The following MGAT4C variants were observed in gnomAD, a reference collection of about 807,000 sequenced individuals.
MGAT4C encodes MGAT4 family member C.
MGAT4C carries 19 observed loss-of-function variants against 40.1 expected under a neutral mutation model. That is an observed-to-expected ratio of 0.47 (90% CI 0.33 to 0.70). The LOEUF is 0.70. Ranked by LOEUF, MGAT4C falls within the 30% of genes least tolerant of loss-of-function variation. The probability of loss-of-function intolerance (pLI) is 0.02; values close to 1 mark genes in which losing one functional copy is unlikely to be tolerated. For missense variants in MGAT4C, 491 were observed against 563.2 expected (o/e 0.87, Z 1.30); for synonymous variants, 181 against 187.1 (o/e 0.97, Z 0.27).
At chr12:86,713,937 C>A (rs1455624183) in intron 2 of MGAT4C, among the ~76,000 whole-genome samples, 1 of 151,812 alleles carries the variant, frequency 6.6e-6, no homozygotes, top group Non-Finnish European at 1.5e-5. Flanking sequence ...GTGATGTAGA[C>A]AGGTATGCTA....
chr12:86,017,293 T>A (rs968889538), intron 2 of MGAT4C, among the ~76,000 whole-genome samples: 1 of 152,172 alleles, frequency 6.6e-6, no homozygotes, highest in Admixed American at 6.6e-5. Flanking sequence ...TTGTATTTAT[T>A]ATCTACAGCA....
intron 1 of MGAT4C, among the ~76,000 whole-genome samples, chr12:86,073,965 C>T (rs1869126838): frequency 6.6e-6 from 1 of 152,048 alleles, no homozygotes; most frequent in African/African-American, 2.4e-5. Flanking sequence ...TGGCTATGTC[C>T]TCACCCAAAT....
chr12:86,676,782 C>A (rs987301522), intron 2 of MGAT4C, among the ~76,000 whole-genome samples: 1 of 152,046 alleles, frequency 6.6e-6, no homozygotes, highest in South Asian at 2.1e-4. Context: ...TAAGAAAGAT[C>A]TGAGCCAGAA....
At chr12:86,502,098 AAATG>A (rs1410648044) in intron 2 of MGAT4C, among the ~76,000 whole-genome samples, 2 of 152,144 alleles carry the variant, frequency 1.3e-5, no homozygotes, top group African/African-American at 4.8e-5. Flanking sequence ...TTCAAAAGGT[AAATG>A]AATGAACAGT....
intron 4 of MGAT4C, among the ~76,000 whole-genome samples, chr12:85,983,205 G>T: frequency 6.6e-6 from 1 of 152,158 alleles, no homozygotes; most frequent in East Asian, 1.9e-4. Flanking sequence ...GTAGCAATAT[G>T]AACATAGGAA....
chr12:86,467,958 T>C (rs1258285157), intron 2 of MGAT4C, among the ~76,000 whole-genome samples: 1 of 152,120 alleles, frequency 6.6e-6, no homozygotes, highest in Non-Finnish European at 1.5e-5. Context: ...GCTATCTTTT[T>C]CCACATCATT....
chr12:86,476,584 T>C (rs1210696709), intron 2 of MGAT4C, among the ~76,000 whole-genome samples: 3 of 151,856 alleles, frequency 2.0e-5, no homozygotes, highest in East Asian at 3.9e-4. Context: ...TGGGTTTATA[T>C]ACCCAAAGGA....
chr12:86,484,123 C>T (rs1451308748), intron 2 of MGAT4C, among the ~76,000 whole-genome samples: 1 of 151,830 alleles, frequency 6.6e-6, no homozygotes, highest in Admixed American at 6.6e-5. Flanking sequence ...CAAGAGATGC[C>T]ATGACACCAA....
chr12:86,012,883 G>C (rs1179764260), intron 2 of MGAT4C, among the ~76,000 whole-genome samples: 2 of 151,956 alleles, frequency 1.3e-5, no homozygotes, highest in Middle Eastern at 3.4e-3. Flanking sequence ...CAGCACTTTG[G>C]GAGGCTGAGT....
intron 1 of MGAT4C, among the ~76,000 whole-genome samples, chr12:86,764,287 G>T (rs1593183833): frequency 6.6e-6 from 1 of 152,084 alleles, no homozygotes; most frequent in South Asian, 2.1e-4. Context: ...AGATCAAACT[G>T]CAAGGCGGCA....
chr12:85,980,683 G>T (rs1884484230), intron 4 of MGAT4C, among the ~76,000 whole-genome samples: 2 of 151,948 alleles, frequency 1.3e-5, no homozygotes, highest in Admixed American at 6.6e-5. Context: ...GAGCCCTATT[G>T]CTGTGAACAT....
chr12:86,690,765 G>T (rs1222307868), intron 2 of MGAT4C, among the ~76,000 whole-genome samples: 1 of 152,162 alleles, frequency 6.6e-6, no homozygotes, highest in Non-Finnish European at 1.5e-5. Context: ...GCCCTGGAAA[G>T]ACCAATCTCA....
rs563648516 is a variant in MGAT4C at position 86,130,987 on chromosome 12, A to T, written c.-56-81264T>A. ...TGACTACCTTTGCTGAAACTATTAA[A>T]ACTGTTATTATATAATAACTAATTC... On this transcript the variant is annotated intron_variant, in intron 1 of 4. Coordinates refer to ENST00000611864, the MANE Select transcript of MGAT4C (RefSeq NM_001351288.2). 4.6e-5 allele frequency among the ~76,000 whole-genome samples: 7 copies of T among 152,138 alleles called. No homozygotes were observed. The South Asian group carries it at 1.2e-3, about 27-fold the overall frequency.
intron 2 of MGAT4C, among the ~76,000 whole-genome samples, chr12:86,516,196 T>G (rs1249185722): frequency 6.6e-6 from 1 of 152,090 alleles, no homozygotes; most frequent in Non-Finnish European, 1.5e-5. Context: ...ACTACATGAT[T>G]TAAAAACTGA....
At chr12:86,268,295 A>T (rs542035963) in intron 4 of MGAT4C, among the ~76,000 whole-genome samples, 295 of 152,128 alleles carry the variant, frequency 1.9e-3, no homozygotes, top group African/African-American at 6.6e-3. Context: ...TGAAAGCCAG[A>T]CTTTGGACTC....
chr12:86,068,255 T>C (rs1437732453), intron 1 of MGAT4C: 1 of 152,184 alleles, frequency 6.6e-6, no homozygotes, highest in Non-Finnish European at 1.5e-5. Context: ...GCTTGCCTTT[T>C]TGGCAGATGT....
At chr12:86,766,604 C>A (rs991058150) in intron 1 of MGAT4C, among the ~76,000 whole-genome samples, 10 of 149,240 alleles carry the variant, frequency 6.7e-5, no homozygotes, top group African/African-American at 1.2e-4. Context: ...CCACAATTGA[C>A]CACATAGTTG....
chr12:86,350,807 A>T (rs1276850773), intron 3 of MGAT4C, among the ~76,000 whole-genome samples: 1 of 152,116 alleles, frequency 6.6e-6, no homozygotes, highest in African/African-American at 2.4e-5. Flanking sequence ...TTTGATATAC[A>T]ATTCTCATAA....
chr12:86,401,547 A>T (rs545469355), intron 3 of MGAT4C, among the ~76,000 whole-genome samples: 2 of 152,272 alleles, frequency 1.3e-5, no homozygotes, highest in African/African-American at 4.8e-5. Context: ...CAAATTAGAC[A>T]AAAAAGATAA....
Sources: allele counts gnomAD v4.1 joint callset (sites outside exome capture counted in the v4.1 genomes callset), GRCh38; gene constraint gnomAD v4.1.1; transcripts MANE v1.5; gene names NCBI Gene and HGNC (gene_info 2026-07-23, HGNC 2026-07-21).